PPP3CA: variants seen among roughly 807,000 people sequenced by gnomAD.
PPP3CA encodes the protein protein phosphatase 3 catalytic subunit alpha.
Under a neutral mutation model 66.5 loss-of-function variants are expected in PPP3CA, and 14 were observed. That is an observed-to-expected ratio of 0.21 (90% CI 0.14 to 0.33). The LOEUF is 0.33. Ranked by LOEUF, PPP3CA falls within the 10% of genes least tolerant of loss-of-function variation. The pLI, the probability that PPP3CA is intolerant of heterozygous loss-of-function variation, is 1.00. For missense variants in PPP3CA, 317 were observed against 639.5 expected (o/e 0.50, Z 5.44); for synonymous variants, 232 against 226.2 (o/e 1.03, Z -0.23).
chr4:101,259,342 T>C (rs558081168), intron 1 of PPP3CA, among the ~76,000 whole-genome samples: 4 of 96,032 alleles, frequency 4.2e-5, no homozygotes, highest in African/African-American at 1.3e-4. Flanking sequence ...AAGGCAATCA[T>C]TCATTCATTC....
chr4:101,321,890 G>A (rs1560716639), intron 1 of PPP3CA, among the ~76,000 whole-genome samples: 1 of 152,186 alleles, frequency 6.6e-6, no homozygotes, highest in African/African-American at 2.4e-5. Flanking sequence ...GACCAAAAAG[G>A]TGGCTGTTGC....
chr4:101,336,974 C>T (rs1009614034), intron 1 of PPP3CA, among the ~76,000 whole-genome samples: 4 of 152,156 alleles, frequency 2.6e-5, no homozygotes, highest in Non-Finnish European at 5.9e-5. Flanking sequence ...CCCCTACATC[C>T]CCCAATCCTT....
intron 2 of PPP3CA, among the ~76,000 whole-genome samples, chr4:101,179,627 G>A (rs1477933020): frequency 6.6e-6 from 1 of 152,052 alleles, no homozygotes; most frequent in Non-Finnish European, 1.5e-5. Flanking sequence ...TGCCATCAAG[G>A]TGACACCAGT....
At chr4:101,276,185 G>C (rs993842430) in intron 1 of PPP3CA, among the ~76,000 whole-genome samples, 1 of 151,900 alleles carries the variant, frequency 6.6e-6, no homozygotes, top group Non-Finnish European at 1.5e-5. Context: ...TTGAATCACC[G>C]CTCCTGGCCT....
intron 1 of PPP3CA, among the ~76,000 whole-genome samples, chr4:101,228,827 A>T (rs2659526): frequency 0.83 from 126,487 of 151,564 alleles, 53,262 homozygotes; most frequent in African/African-American, 0.91. Flanking sequence ...AGCCATTTCA[A>T]TAGAAAAGAT....
chr4:101,211,382 AC>A (rs962397439), intron 1 of PPP3CA, among the ~76,000 whole-genome samples: 6 of 152,180 alleles, frequency 3.9e-5, no homozygotes, highest in African/African-American at 9.6e-5. Context: ...CCTTAAAAAA[AC>A]ATTTGTCTAG....
At chr4:101,241,021 C>T (rs1056207253) in intron 1 of PPP3CA, 1 of 152,186 alleles carries the variant, frequency 6.6e-6, no homozygotes, top group Non-Finnish European at 1.5e-5. Flanking sequence ...GTGCGCACTA[C>T]CACAGCTGGC....
intron 2 of PPP3CA, among the ~76,000 whole-genome samples, chr4:101,120,056 A>G (rs1411302724): frequency 6.6e-6 from 1 of 152,124 alleles, no homozygotes; most frequent in East Asian, 1.9e-4. Flanking sequence ...ATCTGTTAAG[A>G]AAAAGTGTTA....
intron 2 of PPP3CA, among the ~76,000 whole-genome samples, chr4:101,121,954 G>A (rs537736542): frequency 2.6e-5 from 4 of 152,030 alleles, no homozygotes; most frequent in Admixed American, 2.6e-4. Context: ...TGTGAAATGT[G>A]AACTGCTAAA....
chr4:101,171,331 C>G, intron 2 of PPP3CA: 2 of 260,946 alleles, frequency 7.7e-6, no homozygotes, highest in Non-Finnish European at 1.5e-5. Flanking sequence ...GATGCATACT[C>G]GTTTATGAAC....
chr4:101,063,647 T>G (rs1020102230), intron 8 of PPP3CA, among the ~76,000 whole-genome samples: 3 of 151,962 alleles, frequency 2.0e-5, no homozygotes, highest in Non-Finnish European at 4.4e-5. Flanking sequence ...AAGCTCCCCT[T>G]TCAGCCAAGA....
At chr4:101,040,238 G>A (rs1004738510) in intron 11 of PPP3CA, among the ~76,000 whole-genome samples, 2 of 152,114 alleles carry the variant, frequency 1.3e-5, no homozygotes, top group Non-Finnish European at 2.9e-5. Context: ...ATAGCAAATA[G>A]AGGAATAAAA....
At chr4:101,124,703 AAGAAAGAAAGAAAGAAAGAAAG>A (rs1560614323) in intron 2 of PPP3CA, among the ~76,000 whole-genome samples, 2 of 104,314 alleles carry the variant, frequency 1.9e-5, no homozygotes, top group Non-Finnish European at 1.9e-5. Context: ...GAAAGAAAGA[AAGAAAGAAAGAAAGAAAGAAAG>A]AGAAAGAAAG....
chr4:101,101,096 G>T (rs1457173436), intron 3 of PPP3CA, among the ~76,000 whole-genome samples: 1 of 152,100 alleles, frequency 6.6e-6, no homozygotes, highest in Non-Finnish European at 1.5e-5. Context: ...AATTATATAT[G>T]TTACTTTAAG....
chr4:101,311,205 ACTC>A (rs1243293001), intron 1 of PPP3CA, among the ~76,000 whole-genome samples: 3 of 151,980 alleles, frequency 2.0e-5, no homozygotes, highest in Admixed American at 2.0e-4. Flanking sequence ...CTTCTCTTAC[ACTC>A]CTATCATTTT....
At chr4:101,320,044 G>C (rs180890062) in intron 1 of PPP3CA, among the ~76,000 whole-genome samples, 1 of 152,064 alleles carries the variant, frequency 6.6e-6, no homozygotes, top group African/African-American at 2.4e-5. Flanking sequence ...TGAATAGAGG[G>C]ACAACAAGCC....
chr4:101,187,162 G>A (rs1401182166), intron 2 of PPP3CA, among the ~76,000 whole-genome samples: 1 of 152,164 alleles, frequency 6.6e-6, no homozygotes, highest in Non-Finnish European at 1.5e-5. Flanking sequence ...AGTTACTGCT[G>A]CACTGTCATT....
In PPP3CA at chr4:101,042,803, C is replaced by CT. The variant is rs534973228; in HGVS notation, c.1157-2238dup. 6.6e-3 allele frequency among the ~76,000 whole-genome samples: 775 copies of CT among 117,688 alleles called. 21 individuals are homozygous for CT. In the South Asian group the frequency reaches 0.11, roughly 16 times the overall value. 77.2% of individuals were successfully genotyped at this position (117,688 alleles called of 152,430 possible). A position where few individuals can be genotyped will look rare whatever the true frequency, so the allele number is the denominator to read the frequency against. ...ACAAGAGACCATGAAAAGACTTTTT[C>CT]TTTTTTTTTTTTTTTTTTTAAAGTG... On this transcript the variant is annotated intron_variant, in intron 10 of 13. Transcript: ENST00000394854.
intron 1 of PPP3CA, among the ~76,000 whole-genome samples, chr4:101,276,572 C>G (rs1245737109): frequency 6.6e-6 from 1 of 152,116 alleles, no homozygotes; most frequent in East Asian, 1.9e-4. Context: ...AGTTTGTTTA[C>G]ATGGTACTTT....
Sources: allele counts gnomAD v4.1 joint callset (sites outside exome capture counted in the v4.1 genomes callset), GRCh38; gene constraint gnomAD v4.1.1; transcripts MANE v1.5; gene names NCBI Gene and HGNC (gene_info 2026-07-23, HGNC 2026-07-21).